The following ADAMTSL1 variants were observed in gnomAD, a reference collection of about 807,000 sequenced individuals.
ADAMTSL1 encodes ADAMTS-like protein 1.
Under a neutral mutation model 201.8 loss-of-function variants are expected in ADAMTSL1, and 126 were observed. The observed-to-expected ratio is 0.62, with a 90% CI of 0.54 to 0.72. The LOEUF (loss-of-function observed/expected upper bound fraction) is 0.72, where lower values mean the gene tolerates loss of function less well. ADAMTSL1 is among the 30% of genes least tolerant of loss of function. ADAMTSL1 has a pLI of 0.00. For synonymous variants in ADAMTSL1, 1,121 were observed against 903.4 expected (o/e 1.24, Z -4.32); for missense variants, 2,679 against 2,277.8 (o/e 1.18, Z -3.59).
chr9:18,800,500 A>G (rs1822726272), intron 20 of ADAMTSL1, among the ~76,000 whole-genome samples: 4 of 152,084 alleles, frequency 2.6e-5, no homozygotes, highest in African/African-American at 9.7e-5. Flanking sequence ...ATCTGATAGA[A>G]TACTGAATAG....
At chr9:18,600,104 G>A (rs1824538852) in intron 4 of ADAMTSL1, among the ~76,000 whole-genome samples, 1 of 151,526 alleles carries the variant, frequency 6.6e-6, no homozygotes, top group Non-Finnish European at 1.5e-5. Context: ...TTGAGATGCT[G>A]CATACTCTTT....
At chr9:18,280,639 CAT>C (rs1442508837) in intron 2 of ADAMTSL1, among the ~76,000 whole-genome samples, 4 of 152,050 alleles carry the variant, frequency 2.6e-5, no homozygotes, top group Admixed American at 6.6e-5. Flanking sequence ...TTATTTGTCA[CAT>C]GTGTTAAGGT....
chr9:18,377,253 T>C (rs561352996), intron 2 of ADAMTSL1, among the ~76,000 whole-genome samples: 40 of 152,374 alleles, frequency 2.6e-4, no homozygotes, highest in African/African-American at 9.1e-4. Context: ...ATGAGGATAA[T>C]GTAATTGCAC....
At chr9:18,066,197 G>A (rs1236284718) in intron 1 of ADAMTSL1, among the ~76,000 whole-genome samples, 5 of 152,070 alleles carry the variant, frequency 3.3e-5, no homozygotes, top group Non-Finnish European at 7.4e-5. Context: ...AGTACCGTCA[G>A]TGATAAAGCA....
intron 15 of ADAMTSL1, chr9:18,723,364 A>G (rs1817666169): frequency 1.1e-5 from 5 of 462,626 alleles, no homozygotes; most frequent in South Asian, 9.1e-5. Context: ...AACAACACCC[A>G]AATGCTGAGG....
intron 2 of ADAMTSL1, among the ~76,000 whole-genome samples, chr9:18,318,505 A>C (rs958942345): frequency 1.3e-5 from 2 of 152,234 alleles, no homozygotes; most frequent in African/African-American, 2.4e-5. Flanking sequence ...ACTGAAGGTT[A>C]CAAGATATTG....
intron 23 of ADAMTSL1, among the ~76,000 whole-genome samples, chr9:18,870,814 G>A (rs972727317): frequency 6.6e-6 from 1 of 151,962 alleles, no homozygotes; most frequent in African/African-American, 2.4e-5. Flanking sequence ...TTTTGTTTTT[G>A]TTTAGATTTT....
chr9:18,693,589 T>G (rs1251586401), intron 13 of ADAMTSL1, among the ~76,000 whole-genome samples: 1 of 152,224 alleles, frequency 6.6e-6, no homozygotes, highest in East Asian at 1.9e-4. Context: ...GGCTGTTGCC[T>G]CTTTATCTAG....
At chr9:18,419,664 CG>C (rs1563948021) in intron 2 of ADAMTSL1, among the ~76,000 whole-genome samples, 1 of 151,294 alleles carries the variant, frequency 6.6e-6, no homozygotes, top group Non-Finnish European at 1.5e-5. Flanking sequence ...GAATAAATCT[CG>C]AAAGTATGCT....
chr9:18,647,306 C>A (rs1044022044), intron 7 of ADAMTSL1, among the ~76,000 whole-genome samples: 6 of 151,802 alleles, frequency 4.0e-5, no homozygotes, highest in South Asian at 2.1e-4. Context: ...TCCTAGTGGT[C>A]TATCAATTTT....
At chr9:18,859,383 A>G (rs1002856301) in intron 23 of ADAMTSL1, among the ~76,000 whole-genome samples, 1 of 152,130 alleles carries the variant, frequency 6.6e-6, no homozygotes, top group African/African-American at 2.4e-5. Context: ...GCCCCTTTTG[A>G]TGACATGAGG....
In ADAMTSL1 at chr9:18,889,759, C is replaced by T. The variant is rs1829129690; in HGVS notation, c.4643+11C>T. 2.0e-6 allele frequency: 3 copies of T among 1,474,160 alleles called. No individual in the cohort carries two copies. Among genetic ancestry groups the T allele is most frequent in the Non-Finnish European group, 2.7e-6 (3 of 1,115,040 alleles). The allele number at this position is 1,474,160 out of a possible 1,614,324, so 91.3% of individuals were successfully genotyped here. A position where few individuals can be genotyped will look rare whatever the true frequency, so the allele number is the denominator to read the frequency against. ...AGACTGCCCTTCTCGGTGAGTGCAG[C>T]GGACACTGGCTCAGACCTCCCCACC... is the stretch of plus-strand genomic sequence containing the variant. On this transcript the variant is annotated intron_variant, in intron 25 of 28. Coordinates refer to ENST00000380548, the MANE Select transcript of ADAMTSL1 (RefSeq NM_001040272.6).
chr9:18,085,540 CTGTGTATACATACACACTG>C (rs1424698760), intron 1 of ADAMTSL1, among the ~76,000 whole-genome samples: 1 of 138,138 alleles, frequency 7.2e-6, no homozygotes, highest in Non-Finnish European at 1.5e-5. Context: ...TATATATATA[CTGTGTATACATACACACTG>C]TGTGTATACA....
rs549568726 is a variant in ADAMTSL1, at chr9:18,636,579, T to C, written c.676+562T>C. Among the ~76,000 whole-genome samples, 27 of 152,256 alleles carry C rather than the reference T, an allele frequency of 1.8e-4. 1 individual carries two copies. In the South Asian group the frequency reaches 5.0e-3, roughly 28 times the overall value. On this transcript the variant is annotated intron_variant, in intron 6 of 28. Transcript: ENST00000380548. The stretch of plus-strand genomic sequence containing the variant: ...TAAAGATAGCTACTGGGATTCAGGA[T>C]TGAATGGTAATCATAACCCCAAAGA...
At chr9:18,563,524 G>A (rs1564051687) in intron 3 of ADAMTSL1, among the ~76,000 whole-genome samples, 1 of 152,226 alleles carries the variant, frequency 6.6e-6, no homozygotes, top group African/African-American at 2.4e-5. Flanking sequence ...CTGTCCCTTA[G>A]TAGAGCTCTA....
At chr9:17,933,144 A>G (rs946123858) in intron 1 of ADAMTSL1, among the ~76,000 whole-genome samples, 2 of 152,184 alleles carry the variant, frequency 1.3e-5, no homozygotes, top group African/African-American at 4.8e-5. Flanking sequence ...TAAAGGTTTC[A>G]GCAGATGCCA....
At chr9:18,283,564 C>T (rs943261869) in intron 2 of ADAMTSL1, among the ~76,000 whole-genome samples, 9 of 143,030 alleles carry the variant, frequency 6.3e-5, no homozygotes, top group Non-Finnish European at 7.5e-5. Context: ...CATGATTGCA[C>T]CACTGCAAAC....
chr9:18,197,656 T>C (rs957664003), intron 2 of ADAMTSL1, among the ~76,000 whole-genome samples: 13 of 149,932 alleles, frequency 8.7e-5, no homozygotes, highest in East Asian at 7.8e-4. Context: ...CTTTTCCTAA[T>C]TGAATACCCT....
In ADAMTSL1 at chr9:18,567,122, C is replaced by T. The variant is rs568471777; in HGVS notation, c.238-6908C>T. Among the ~76,000 whole-genome samples the T allele has an allele frequency of 3.3e-5, 5 of 152,198 alleles. No individual in the cohort carries two copies. The South Asian group carries it at 8.3e-4, about 25-fold the overall frequency. On this transcript the variant is annotated intron_variant, in intron 3 of 28. Transcript: ENST00000380548. ...CCAACAATCCTGTATTTTAAAAAGG[C>T]CTTCAGGTGATTTTGATGTACGTTT... is the stretch of plus-strand genomic sequence containing the variant.
Sources: allele counts gnomAD v4.1 joint callset (sites outside exome capture counted in the v4.1 genomes callset), GRCh38; gene constraint gnomAD v4.1.1; transcripts MANE v1.5; gene names NCBI Gene and HGNC (gene_info 2026-07-23, HGNC 2026-07-21).